Variants in NEB observed in about 807,000 individuals in gnomAD.
The protein encoded by NEB is nebulin, also known as nemaline myopathy type 2.
NEB carries 512 observed loss-of-function variants against 952.2 expected under a neutral mutation model. The observed-to-expected ratio is 0.54, with a 90% CI of 0.50 to 0.58. The LOEUF (loss-of-function observed/expected upper bound fraction) is 0.58. NEB is among the 20% of genes least tolerant of loss of function. NEB has a pLI of 0.00. For missense variants in NEB, 8,428 were observed against 9,231.1 expected (o/e 0.91, Z 3.56); for synonymous variants, 2,900 against 3,149.8 (o/e 0.92, Z 2.66).
chr2:151,553,952 G>A lies in NEB; in HGVS notation c.19502C>T (p.Thr6501Ile), dbSNP rs1393838761. The A allele has an allele frequency of 1.5e-5, 25 of 1,613,758 alleles. No homozygotes were observed. Among genetic ancestry groups the A allele is most frequent in the Non-Finnish European group, 2.0e-5 (24 of 1,179,804 alleles). Residue 6501 changes from threonine to isoleucine, a missense_variant, in exon 126 of 182, where the codon ACT (threonine) becomes ATT (isoleucine). This residue lies in a region of NEB where 3,374 missense variants were observed against 3,651.5 expected (regional missense o/e 0.92). Transcript: ENST00000397345. ...GACTTTCTTCTGGGAATCCTTGGCA[G>A]TAACCATCTCTACCATGTCGGGCAC... The part of the protein sequence containing the change: ...HIVPDMVEMV[T>I]AKDSQKKVSE...
intron 105 of NEB, among the ~76,000 whole-genome samples, chr2:151,579,078 C>A (rs1436779302): frequency 1.4e-5 from 1 of 71,804 alleles, no homozygotes; most frequent in African/African-American, 5.7e-5. Flanking sequence ...AAGACTCCAT[C>A]TCAAAAAAAA....
chr2:151,688,551 C>T (rs1375818452), intron 24 of NEB, among the ~76,000 whole-genome samples, 155 bp from the exon 25 acceptor site: 1 of 152,166 alleles, frequency 6.6e-6, no homozygotes, highest in Non-Finnish European at 1.5e-5. Flanking sequence ...AAACTTTCAT[C>T]CCCTATTTCA....
intron 54 of NEB, 108 bp downstream of exon 54, chr2:151,650,068 A>T: frequency 1.0e-6 from 1 of 960,710 alleles, no homozygotes; most frequent in Non-Finnish European, 1.6e-6. Context: ...TTATGTGGTG[A>T]TGTATGAGGC....
rs1215584416 is a variant in NEB at position 151,664,862 on chromosome 2, C to T, written c.5240G>A (p.Arg1747Lys). ...NKSNKLNMDK[R>K]LYTEKWNKDK... ...CTTGTTCCATTTTTCAGTGTAGAGC[C>T]TCTGCAATGAGAAAGTCAGGTGCAT... Residue 1747 changes from arginine (R) to lysine (K), a missense_variant and splice_region_variant, in exon 43 of 182, where the codon AGG (arginine) becomes AAG (lysine). By Grantham distance (26) the Arg-to-Lys change is conservative. Transcript: ENST00000397345. 2 of 1,603,488 alleles carry T rather than the reference C, an allele frequency of 1.2e-6. No homozygotes were observed. Among genetic ancestry groups the T allele is most frequent in the East Asian group, 2.2e-5 (1 of 44,690 alleles).
chr2:151,670,965 G>A, intron 38 of NEB, 58 bp downstream of exon 38: 1 of 1,508,922 alleles, frequency 6.6e-7, no homozygotes, highest in Non-Finnish European at 9.2e-7. Flanking sequence ...GGACGGAGGA[G>A]CGGCTCAGAC....
intron 180 of NEB, 51 bp from the exon 181 acceptor site, chr2:151,490,128 CT>C: frequency 7.1e-7 from 1 of 1,406,022 alleles, no homozygotes; most frequent in Non-Finnish European, 9.9e-7. Flanking sequence ...GCTAGGTATC[CT>C]TTAATCTGTG....
chr2:151,664,234 G>A (rs1226542461), intron 44 of NEB, among the ~76,000 whole-genome samples: 1 of 152,192 alleles, frequency 6.6e-6, no homozygotes, highest in African/African-American at 2.4e-5. Flanking sequence ...CACGTAGATT[G>A]CATCTTTACA....
intron 13 of NEB, among the ~76,000 whole-genome samples, chr2:151,704,926 G>C (rs1237832803): frequency 6.6e-6 from 1 of 152,098 alleles, no homozygotes; most frequent in Non-Finnish European, 1.5e-5. Context: ...TGCCACCTCT[G>C]ACCACGTCCT....
At chr2:151,552,943 T>A (rs1011837634) in intron 127 of NEB, among the ~76,000 whole-genome samples, 167 bp from the exon 128 acceptor site, 1 of 152,206 alleles carries the variant, frequency 6.6e-6, no homozygotes. Flanking sequence ...CCAACACTTA[T>A]ATGGGGCTTC....
At position 151,671,215 on chromosome 2, in the gene NEB, G is replaced by C; in HGVS notation, c.4314C>G (p.Asp1438Glu). 1 of 1,612,940 alleles carries C rather than the reference G, an allele frequency of 6.2e-7. No individual in the cohort carries two copies. The highest frequency in any genetic ancestry group is 8.5e-7 in the Non-Finnish European group (1 of 1,179,088). ...TGCCCTTCAAGAAGCTGTTATACTCGTCTTTATACACATTCTGTAAAAGGG... is the reference window on the plus strand; with the variant it reads ...TGCCCTTCAAGAAGCTGTTATACTCCTCTTTATACACATTCTGTAAAAGGG... ...NQIQSDNVYK[D>E]EYNSFLKGIG... Residue 1438 changes from aspartate (D) to glutamate (E), a missense_variant, in exon 38 of 182, where the codon GAC (aspartate) becomes GAG (glutamate). Asp to Glu is a conservative substitution (Grantham distance 45). This residue lies in a region of NEB where 2,851 missense variants were observed against 2,791.5 expected (regional missense o/e 1.02). Transcript: ENST00000397345.
chr2:151,573,565 GAAA>G (rs2096721490), intron 107 of NEB, among the ~76,000 whole-genome samples: 1 of 152,156 alleles, frequency 6.6e-6, no homozygotes, highest in South Asian at 2.1e-4. Flanking sequence ...TTAAACACTG[GAAA>G]ACATTAGTCC....
At chr2:151,710,336 G>T in intron 11 of NEB, 98 bp downstream of exon 11, 3 of 709,768 alleles carry the variant, frequency 4.2e-6, no homozygotes, top group Non-Finnish European at 7.0e-6. Context: ...GGCCTCAAGT[G>T]TTCTGGCACC....
rs2154157760 is a variant in NEB at position 151,659,110 on chromosome 2, G to T, written c.6030C>A (p.Ile2010=). Reference sequence around the variant, plus strand: ...TTGCCTTTGCCAAAATAATCTGGGGGATATCAGGCATGATGTGGACTTTGG... The same window carrying T: ...TTGCCTTTGCCAAAATAATCTGGGGTATATCAGGCATGATGTGGACTTTGG... The part of the protein sequence containing the change: ...DKTKVHIMPD[I]PQIILAKANA... The change falls in exon 47 of 182, where the codon ATC becomes ATA. Residue 2010 remains isoleucine (I), a synonymous_variant. Transcript: ENST00000397345. The T allele has an allele frequency of 6.2e-7, 1 of 1,612,984 alleles. No individual in the cohort carries two copies. The highest frequency in any genetic ancestry group is 1.1e-5 in the South Asian group (1 of 91,070).
In NEB at chr2:151,493,416, T is replaced by TG; in HGVS notation, c.24701dup (p.Thr8235AsnfsTer13). 6.2e-7 allele frequency: 1 copy of TG among 1,607,772 alleles called. No individual in the cohort carries two copies. Among genetic ancestry groups the TG allele is most frequent in the Non-Finnish European group, 8.5e-7 (1 of 1,178,070 alleles). On this transcript the variant is annotated frameshift_variant, in exon 176 of 182. Transcript: ENST00000397345. LOFTEE classifies it high-confidence loss of function. ...TCTCTGGAGTAACAGGTGTCGGAGT[T>TG]GCTTTTCTCATGTTCTCTTTGTACA...
rs201614105 is a variant in NEB at position 151,618,426 on chromosome 2, A to G, written c.10925T>C (p.Ile3642Thr). 5.4e-5 allele frequency: 87 copies of G among 1,613,930 alleles called. No individual in the cohort carries two copies. The Middle Eastern group carries it at 8.2e-4, about 15-fold the overall frequency. Residue 3642 changes from isoleucine to threonine, a missense_variant, in exon 74 of 182, where the codon ATT becomes ACT. Ile to Thr is a moderately conservative substitution (Grantham distance 89). Transcript: ENST00000397345. ...GGCCCTAACAACTTCCAAGGAATCA[A>G]TCGGAACCCAGCCAATGCCTTTCAT... is the stretch of plus-strand genomic sequence containing the variant. ...EWMKGIGWVP[I>T]DSLEVVRAKR...
rs1379056040 is a variant in NEB, at chr2:151,485,947, TG to T, written c.25405-15del. On this transcript the variant is annotated splice_polypyrimidine_tract_variant and intron_variant, in intron 181 of 181. Coordinates refer to ENST00000397345, the MANE Select transcript of NEB (RefSeq NM_001164508.2). The stretch of plus-strand genomic sequence containing the variant: ...ACGGAAGATTTTCTATTCGTGGGGA[TG>T]GAAAAGGGGAAATATTATATGTTGG... 2.5e-6 allele frequency: 4 copies of T among 1,612,692 alleles called. No individual in the cohort carries two copies. In the African/African-American group the frequency reaches 4.0e-5, roughly 16 times the overall value.
intron 48 of NEB, among the ~76,000 whole-genome samples, chr2:151,657,679 C>T (rs1297161203): frequency 6.6e-6 from 1 of 152,202 alleles, no homozygotes; most frequent in Non-Finnish European, 1.5e-5. Context: ...ACAAGACTTT[C>T]ACCAAGAAAG....
At position 151,537,224 on chromosome 2, in the gene NEB, C is replaced by CTTTATA; in HGVS notation, c.21109_21114dup (p.Tyr7037_Lys7038dup). 1 of 1,608,364 alleles carries CTTTATA rather than the reference C, an allele frequency of 6.2e-7. No individual in the cohort carries two copies. The highest frequency in any genetic ancestry group is 8.5e-7 in the Non-Finnish European group (1 of 1,175,330). ...ATGCCTTTAAGCCAAGTCAAGTCTT[C>CTTTATA]TTTATATTTTACCTGGGAGAAGAAG... On this transcript the variant is annotated inframe_insertion, in exon 141 of 182. Transcript: ENST00000397345.
At chr2:151,636,710 G>A (rs1305740657) in intron 63 of NEB, among the ~76,000 whole-genome samples, 1 of 152,106 alleles carries the variant, frequency 6.6e-6, no homozygotes, top group Non-Finnish European at 1.5e-5. Flanking sequence ...GAACCTGGGA[G>A]GCGGAAGTTG....
Sources: gnomAD v4.1 joint callset for allele counts (sites outside exome capture counted in the v4.1 genomes callset) on GRCh38, gnomAD v4.1.1 for gene constraint, gnomAD v4.1.1 regional missense constraint, MANE v1.5 for transcripts, NCBI Gene and HGNC (gene_info 2026-07-23, HGNC 2026-07-21) for gene names.